The following SUGCT variants were observed in gnomAD, a reference collection of about 807,000 sequenced individuals.
SUGCT encodes succinyl-CoA:glutarate CoA-transferase.
A neutral mutation model predicts 55.0 loss-of-function variants in SUGCT; 41 were observed. That is an observed-to-expected ratio of 0.74 (90% CI 0.58 to 0.97). The LOEUF is 0.97. SUGCT is among the 50% of genes least tolerant of loss of function. The probability of loss-of-function intolerance (pLI) is 0.00; values close to 1 mark genes in which losing one functional copy is unlikely to be tolerated. For missense variants in SUGCT, 568 were observed against 547.8 expected (o/e 1.04, Z -0.37); for synonymous variants, 187 against 200.4 (o/e 0.93, Z 0.56).
At chr7:40,546,660 C>T (rs1365313599) in intron 12 of SUGCT, 1 of 152,162 alleles carries the variant, frequency 6.6e-6, no homozygotes, top group Non-Finnish European at 1.5e-5. Flanking sequence ...TATGATCTAT[C>T]AAATTCACAT....
At chr7:40,498,770 C>G (rs1050447409) in intron 12 of SUGCT, among the ~76,000 whole-genome samples, 2 of 152,028 alleles carry the variant, frequency 1.3e-5, no homozygotes, top group Non-Finnish European at 2.9e-5. Context: ...ATGATGGTGC[C>G]CTTTAAGGTT....
chr7:40,421,914 A>G (rs1047441135), intron 9 of SUGCT, among the ~76,000 whole-genome samples: 1 of 152,078 alleles, frequency 6.6e-6, no homozygotes, highest in Non-Finnish European at 1.5e-5. Context: ...CCGACCTTCT[A>G]GCTTTGGGCC....
intron 7 of SUGCT, among the ~76,000 whole-genome samples, chr7:40,246,750 C>T (rs956804606): frequency 1.9e-4 from 29 of 151,982 alleles, no homozygotes; most frequent in Non-Finnish European, 4.1e-4. Flanking sequence ...GCACACGCCA[C>T]CATGCCTGGC....
chr7:40,838,356 T>C (rs1292249043), intron 13 of SUGCT, among the ~76,000 whole-genome samples: 5 of 152,246 alleles, frequency 3.3e-5, no homozygotes, highest in Non-Finnish European at 5.9e-5. Flanking sequence ...TTGAGGAGAA[T>C]TGACATCTTT....
chr7:40,564,903 C>A (rs1269955609), intron 12 of SUGCT, among the ~76,000 whole-genome samples: 1 of 152,126 alleles, frequency 6.6e-6, no homozygotes, highest in Non-Finnish European at 1.5e-5. Flanking sequence ...CCAAAATGCC[C>A]AATATGATCC....
chr7:40,279,235 A>G (rs1430492397), intron 8 of SUGCT, among the ~76,000 whole-genome samples: 2 of 152,154 alleles, frequency 1.3e-5, no homozygotes, highest in South Asian at 2.1e-4. Context: ...TCCCTTTCCT[A>G]GAAGTCCCAG....
At chr7:40,972,196 G>A in the SUGCT span, among the ~76,000 whole-genome samples, 1 of 152,076 alleles carries the variant, frequency 6.6e-6, no homozygotes, top group South Asian at 2.1e-4. Context: ...ACATCCCGAA[G>A]CCATTCTAAA....
At chr7:40,378,936 T>G (rs1289174729) in intron 9 of SUGCT, among the ~76,000 whole-genome samples, 1 of 152,214 alleles carries the variant, frequency 6.6e-6, no homozygotes, top group Non-Finnish European at 1.5e-5. Context: ...AAAGTGTGAC[T>G]ATTATCACAT....
chr7:40,572,770 G>A (rs1275408058), intron 12 of SUGCT, among the ~76,000 whole-genome samples: 1 of 152,160 alleles, frequency 6.6e-6, no homozygotes, highest in African/African-American at 2.4e-5. Flanking sequence ...TTTCAGGGAT[G>A]CTGTGATGAA....
At chr7:41,017,205 A>G in the SUGCT span, among the ~76,000 whole-genome samples, 1 of 152,014 alleles carries the variant, frequency 6.6e-6, no homozygotes, top group South Asian at 2.1e-4. Context: ...TTCCCTTTCT[A>G]TATACAAAGT....
intron 12 of SUGCT, among the ~76,000 whole-genome samples, chr7:40,531,458 C>G (rs1389379798): frequency 6.6e-6 from 1 of 151,400 alleles, no homozygotes; most frequent in Admixed American, 6.6e-5. Flanking sequence ...TTATTTCTAT[C>G]TATAGTATCA....
intron 5 of SUGCT, among the ~76,000 whole-genome samples, chr7:40,192,421 T>C (rs903876459): frequency 1.3e-5 from 2 of 152,164 alleles, no homozygotes; most frequent in Non-Finnish European, 2.9e-5. Context: ...TCTATGTTAA[T>C]TAGTTGACAG....
rs553448122 is a variant in SUGCT at position 40,671,432 on chromosome 7, G to A, written c.1090-78002G>A. 2.6e-5 allele frequency among the ~76,000 whole-genome samples: 4 copies of A among 152,266 alleles called. No homozygotes were observed. The South Asian group carries it at 6.2e-4, about 24-fold the overall frequency. ...AAGGAAATAAAAGATATGTGAATTG[G>A]AAAGGTAGAAAATAAAATGGTCTTT... is the stretch of plus-strand genomic sequence containing the variant. On this transcript the variant is annotated intron_variant, in intron 12 of 13. Coordinates refer to ENST00000335693, the MANE Select transcript of SUGCT (RefSeq NM_001193313.2).
chr7:40,984,800 A>G, the SUGCT span, among the ~76,000 whole-genome samples: 1 of 152,076 alleles, frequency 6.6e-6, no homozygotes, highest in South Asian at 2.1e-4. Context: ...GTTTTTTGGT[A>G]TCGTGCAGCC....
chr7:40,962,163 C>T, the SUGCT span, among the ~76,000 whole-genome samples: 1 of 152,118 alleles, frequency 6.6e-6, no homozygotes, highest in Non-Finnish European at 1.5e-5. Context: ...CATTTACAAA[C>T]CCTTAGCTAG....
chr7:40,613,586 C>T (rs929726487), intron 12 of SUGCT, among the ~76,000 whole-genome samples: 6 of 151,842 alleles, frequency 4.0e-5, no homozygotes, highest in African/African-American at 1.5e-4. Flanking sequence ...CACATTTGCT[C>T]TTCCTTCCCA....
intron 12 of SUGCT, among the ~76,000 whole-genome samples, chr7:40,522,776 T>C (rs1401509666): frequency 2.0e-5 from 3 of 152,096 alleles, no homozygotes; most frequent in Non-Finnish European, 4.4e-5. Context: ...AAATTGCAGA[T>C]ATAATACAAA....
the SUGCT span, among the ~76,000 whole-genome samples, chr7:40,876,391 A>G: frequency 6.6e-6 from 1 of 152,144 alleles, no homozygotes; most frequent in African/African-American, 2.4e-5. Context: ...CTCTTAAAAC[A>G]TTACTCTTAA....
chr7:40,634,787 TAAA>T (rs965142938), intron 12 of SUGCT, among the ~76,000 whole-genome samples: 3 of 152,202 alleles, frequency 2.0e-5, no homozygotes, highest in Non-Finnish European at 2.9e-5. Context: ...TTTGAAAAGA[TAAA>T]AAAGGAATGA....
Sources: allele counts gnomAD v4.1 joint callset (sites outside exome capture counted in the v4.1 genomes callset), GRCh38; gene constraint gnomAD v4.1.1; transcripts MANE v1.5; gene names NCBI Gene and HGNC (gene_info 2026-07-23, HGNC 2026-07-21).